The following EFR3B variants were observed in gnomAD, a reference collection of about 807,000 sequenced individuals.
EFR3B encodes the protein EFR3 homolog B.
Under a neutral mutation model 104.7 loss-of-function variants are expected in EFR3B, and 64 were observed. The ratio of observed to expected loss-of-function variants is 0.61; its 90% CI spans 0.50 to 0.75. The LOEUF (loss-of-function observed/expected upper bound fraction) is 0.75. Among genes scored for constraint, EFR3B ranks in the 30% least tolerant of loss-of-function variants. The probability of loss-of-function intolerance (pLI) is 0.00; values close to 1 mark genes in which losing one functional copy is unlikely to be tolerated. For missense variants in EFR3B, 750 were observed against 1,078.5 expected (o/e 0.70, Z 4.27); for synonymous variants, 385 against 417.9 (o/e 0.92, Z 0.96).
rs577891318 is a variant in EFR3B, at chr2:25,119,951, G to C, written c.364-1722G>C. ...CTATATCCTTTTTGACCCAACACAT[G>C]TTTATAAAAATTAAATAATAATAGA... On this transcript the variant is annotated intron_variant, in intron 4 of 22. Coordinates refer to ENST00000403714, the MANE Select transcript of EFR3B (RefSeq NM_014971.2). Among the ~76,000 whole-genome samples the C allele has an allele frequency of 1.3e-4, 20 of 152,210 alleles. No individual in the cohort carries two copies. In the East Asian group the frequency reaches 3.9e-3, roughly 29 times the overall value.
chr2:25,074,857 T>A (rs1668592853), intron 1 of EFR3B, among the ~76,000 whole-genome samples: 1 of 152,064 alleles, frequency 6.6e-6, no homozygotes, highest in Non-Finnish European at 1.5e-5. Context: ...CCTCAAGTGA[T>A]CCTCCTGTCT....
rs547179459 is a variant in EFR3B, at chr2:25,045,280, C to T, written c.7+2961C>T. 1.1e-4 allele frequency among the ~76,000 whole-genome samples: 17 copies of T among 152,322 alleles called. No homozygotes were observed. The East Asian group carries it at 3.1e-3, about 28-fold the overall frequency. The stretch of plus-strand genomic sequence containing the variant: ...TTCTCAGACTCACCCCAGCTGTCTC[C>T]TCACCACTCAGTCATTCCTAAACCC... On this transcript the variant is annotated intron_variant, in intron 1 of 22. Coordinates refer to ENST00000403714, the MANE Select transcript of EFR3B (RefSeq NM_014971.2).
At chr2:25,135,755 T>C (rs1281491419) in intron 13 of EFR3B, 116 bp downstream of exon 13, 54 of 1,237,440 alleles carry the variant, frequency 4.4e-5, no homozygotes, top group Non-Finnish European at 5.9e-5. Context: ...CTGAGTATTG[T>C]GGGATCTGAG....
chr2:25,092,290 G>A (rs1355894540), intron 2 of EFR3B, among the ~76,000 whole-genome samples: 5 of 151,158 alleles, frequency 3.3e-5, no homozygotes, highest in South Asian at 2.1e-4. Flanking sequence ...GGATGGTCTC[G>A]ATATCCTGAC....
At chr2:25,095,975 G>T (rs1219081664) in intron 3 of EFR3B, among the ~76,000 whole-genome samples, 3 of 152,012 alleles carry the variant, frequency 2.0e-5, no homozygotes, top group African/African-American at 7.3e-5. Context: ...GGGTTGGGTG[G>T]ATTCAGGCAG....
At chr2:25,104,396 G>C (rs938278609) in intron 4 of EFR3B, among the ~76,000 whole-genome samples, 2 of 152,114 alleles carry the variant, frequency 1.3e-5, no homozygotes, top group African/African-American at 4.8e-5. Context: ...AAAAAATGTG[G>C]TTTCAGTGTA....
chr2:25,128,322 G>A lies in EFR3B; in HGVS notation c.625G>A (p.Glu209Lys). The A allele has an allele frequency of 1.3e-6, 2 of 1,551,862 alleles. No individual in the cohort carries two copies. Among genetic ancestry groups the A allele is most frequent in the Non-Finnish European group, 1.7e-6 (2 of 1,147,038 alleles). ...GCTTTTCAATCTACAGCATGTAGAG[G>A]AGGCAGAGAGGTAAGCAGGCCGGGA... ...SLLFNLQHVE[E>K]AESRSPSPLQ... Residue 209 changes from glutamate to lysine, a missense_variant, in exon 6 of 23, where the codon GAG becomes AAG. Transcript: ENST00000403714.
In EFR3B at chr2:25,103,735, C is replaced by A; in HGVS notation, c.311C>A (p.Ala104Asp). ...GTGGAGAGCTTCCTCAAGATGGTGGCCAAGCTGCTGGAGTCAGAGAAACCC... is the reference window on the plus strand; with the variant it reads ...GTGGAGAGCTTCCTCAAGATGGTGGACAAGCTGCTGGAGTCAGAGAAACCC... The part of the protein sequence containing the change: ...LFVESFLKMV[A>D]KLLESEKPNL... Residue 104 changes from alanine to aspartate, a missense_variant, in exon 4 of 23, where the codon GCC becomes GAC. Ala to Asp is a moderately radical substitution (Grantham distance 126). Transcript: ENST00000403714. 6.4e-7 allele frequency: 1 copy of A among 1,551,708 alleles called. No homozygotes were observed. The highest frequency in any genetic ancestry group is 8.7e-7 in the Non-Finnish European group (1 of 1,146,984).
intron 4 of EFR3B, among the ~76,000 whole-genome samples, chr2:25,121,418 C>G (rs1343767494): frequency 6.6e-6 from 1 of 152,186 alleles, no homozygotes; most frequent in African/African-American, 2.4e-5. Context: ...CTTTCATGTT[C>G]CCTTCTCTTC....
intron 1 of EFR3B, among the ~76,000 whole-genome samples, chr2:25,056,607 C>T (rs76056058): frequency 0.069 from 10,514 of 151,864 alleles, 529 homozygotes; most frequent in Non-Finnish European, 0.1. Context: ...AGGTCACATA[C>T]AGACAAAGCA....
Position 25,139,046 on chromosome 2 carries a change from T to C in EFR3B, c.1723-13T>C, listed in dbSNP as rs1197906624. The C allele has an allele frequency of 6.4e-7, 1 of 1,551,506 alleles. No homozygotes were observed. Among genetic ancestry groups the C allele is most frequent in the Non-Finnish European group, 8.7e-7 (1 of 1,146,954 alleles). ...AGTGAAAAACTCCGGAGGCCTTGTC[T>C]ATGTTGCCGCAGGACGTGGCCCAAG... On this transcript the variant is annotated splice_polypyrimidine_tract_variant and intron_variant, in intron 15 of 22. Transcript: ENST00000403714.
intron 5 of EFR3B, 65 bp downstream of exon 5, chr2:25,121,859 A>T: frequency 6.5e-7 from 1 of 1,545,866 alleles, no homozygotes; most frequent in Non-Finnish European, 8.7e-7. Context: ...GGTCCTGTAG[A>T]TAACTTCCAA....
At chr2:25,141,303 C>T (rs1289412274) in intron 16 of EFR3B, 63 bp from the exon 17 acceptor site, 11 of 1,517,472 alleles carry the variant, frequency 7.2e-6, no homozygotes, top group East Asian at 2.5e-5. Flanking sequence ...GGAGCTCTTT[C>T]GTTGCCTGTG....
intron 1 of EFR3B, among the ~76,000 whole-genome samples, chr2:25,069,910 G>C (rs1204854063): frequency 6.6e-6 from 1 of 152,176 alleles, no homozygotes; most frequent in African/African-American, 2.4e-5. Context: ...TGTTAGCCAG[G>C]ATGGTCTCAA....
intron 3 of EFR3B, among the ~76,000 whole-genome samples, chr2:25,100,014 T>A (rs977229935): frequency 6.6e-6 from 1 of 151,808 alleles, no homozygotes; most frequent in African/African-American, 2.4e-5. Flanking sequence ...ACCAACCTGG[T>A]CAACATGGTG....
At chr2:25,058,444 A>G (rs1452258964) in intron 1 of EFR3B, 5 of 152,170 alleles carry the variant, frequency 3.3e-5, no homozygotes, top group South Asian at 2.1e-4. Context: ...TAGGATGGCT[A>G]TTATCAAAAA....
chr2:25,101,766 A>G (rs1669437586), intron 3 of EFR3B, among the ~76,000 whole-genome samples: 1 of 152,232 alleles, frequency 6.6e-6, no homozygotes, highest in Non-Finnish European at 1.5e-5. Context: ...CTGAATTTCT[A>G]GGGAAAGGCA....
chr2:25,042,156 C>T lies in EFR3B; in HGVS notation c.-157C>T, dbSNP rs1667589608. The stretch of plus-strand genomic sequence containing the variant: ...CTGGCGGCGCCCGGCTCCGTCCTGC[C>T]CGCGGCCGGCCCCCGCGTCTGCTCC... On this transcript the variant is annotated 5_prime_UTR_variant, in exon 1 of 23. Coordinates refer to ENST00000403714, the MANE Select transcript of EFR3B (RefSeq NM_014971.2). This position sits in a 1 kb window ranked among gnomAD's most constrained non-coding sequence, Gnocchi z 5.4. The T allele has an allele frequency of 4.5e-6, 3 of 673,604 alleles. No homozygotes were observed. Among genetic ancestry groups the T allele is most frequent in the African/African-American group, 1.9e-5 (1 of 52,572 alleles). The allele number at this position is 673,604 out of a possible 1,614,324, so 41.7% of individuals were successfully genotyped here.
chr2:25,073,919 C>T (rs1263464332), intron 1 of EFR3B, among the ~76,000 whole-genome samples: 1 of 152,156 alleles, frequency 6.6e-6, no homozygotes, highest in Non-Finnish European at 1.5e-5. Context: ...TTTTGCAACA[C>T]ATAAAACTTT....
Sources: gnomAD v4.1 joint callset for allele counts (sites outside exome capture counted in the v4.1 genomes callset) on GRCh38, gnomAD v4.1.1 for gene constraint, Gnocchi (gnomAD v3.1) non-coding constraint, MANE v1.5 for transcripts, NCBI Gene and HGNC (gene_info 2026-07-23, HGNC 2026-07-21) for gene names.